PML: variants seen among roughly 807,000 people sequenced by gnomAD.
PML encodes PML nuclear body scaffold.
A neutral mutation model predicts 65.2 loss-of-function variants in PML; 28 were observed. The observed-to-expected ratio is 0.43, with a 90% CI of 0.32 to 0.59. The LOEUF (loss-of-function observed/expected upper bound fraction) is 0.59. Among genes scored for constraint, PML ranks in the 20% least tolerant of loss-of-function variants. The pLI is 0.08. For missense variants in PML, 1,021 were observed against 1,203.4 expected (o/e 0.85, Z 2.24); for synonymous variants, 500 against 508.8 (o/e 0.98, Z 0.23).
chr15:74,000,092 A>C (rs531613768), intron 2 of PML, among the ~76,000 whole-genome samples: 1 of 152,128 alleles, frequency 6.6e-6, no homozygotes, highest in East Asian at 1.9e-4. Flanking sequence ...CGGCCTCCCA[A>C]AGTTCTGGGA....
At chr15:74,036,266 C>A in intron 7 of PML, 1 of 1,484,930 alleles carries the variant, frequency 6.7e-7, no homozygotes, top group Non-Finnish European at 8.9e-7. Flanking sequence ...GCACAGCCTT[C>A]CATGCCCCGA....
At position 74,024,885 on chromosome 15, in the gene PML, A is replaced by G; in HGVS notation, c.1212A>G (p.Pro404=). 6.2e-7 allele frequency: 1 copy of G among 1,613,938 alleles called. No homozygotes were observed. Among genetic ancestry groups the G allele is most frequent in the South Asian group, 1.1e-5 (1 of 91,076 alleles). The part of the protein sequence containing the change: ...KDAAVSKKAS[P]EAASTPRDPI... The stretch of plus-strand genomic sequence containing the variant: ...CAGCTGTATCCAAGAAAGCCAGCCC[A>G]GAGGCTGCCAGCACTCCCAGGGACC... Residue 404 remains proline, a synonymous_variant, in exon 4 of 9, where the codon CCA becomes CCG. Coordinates refer to ENST00000268058, the MANE Select transcript of PML (RefSeq NM_033238.3).
Position 74,037,802 on chromosome 15 carries a change from T to C in PML, c.1710+3272T>C, listed in dbSNP as rs955295611. 2.6e-6 allele frequency: 2 copies of C among 782,344 alleles called. No homozygotes were observed. The highest frequency in any genetic ancestry group is 3.8e-5 in the African/African-American group (2 of 53,138). The allele number at this position is 782,344 out of a possible 1,614,324, so 48.5% of individuals were successfully genotyped here. On this transcript the variant is annotated intron_variant, in intron 7 of 8. Coordinates refer to ENST00000268058, the MANE Select transcript of PML (RefSeq NM_033238.3). The surrounding 1 kb of genome is among the most constrained non-coding windows in gnomAD (Gnocchi z 4.2). ...TCCTGCAGGTTTGCTGCTGGGCCCT[T>C]TCCTCTTTTCAGTCTGTGTATTCTC...
intron 7 of PML, among the ~76,000 whole-genome samples, chr15:74,041,168 C>T (rs979646904): frequency 6.6e-6 from 1 of 152,234 alleles, no homozygotes; most frequent in Non-Finnish European, 1.5e-5. Flanking sequence ...TGTGCCATGT[C>T]AGTGGGTGGC....
At chr15:74,014,118 C>T (rs542616816) in intron 2 of PML, among the ~76,000 whole-genome samples, 1 of 152,224 alleles carries the variant, frequency 6.6e-6, no homozygotes, top group South Asian at 2.1e-4. Flanking sequence ...TTAGAAATAC[C>T]ATGCTGGTGG....
At chr15:74,039,449 G>T (rs79839619) in intron 7 of PML, among the ~76,000 whole-genome samples, 5,137 of 152,338 alleles carry the variant, frequency 0.034, 147 homozygotes, top group South Asian at 0.12. Flanking sequence ...TGCTCAGAAA[G>T]TTCTTCAGGA....
At chr15:74,041,812 A>G (rs1413590233) in intron 7 of PML, among the ~76,000 whole-genome samples, 1 of 152,256 alleles carries the variant, frequency 6.6e-6, no homozygotes. Flanking sequence ...GCCAGAGGCC[A>G]GAATTAACTG....
intron 2 of PML, among the ~76,000 whole-genome samples, chr15:74,021,446 G>T (rs1041373933): frequency 6.6e-6 from 1 of 151,976 alleles, no homozygotes; most frequent in Non-Finnish European, 1.5e-5. Flanking sequence ...ATTAGCCGGG[G>T]TGGTGGCGCA....
Position 74,023,309 on chromosome 15 carries a change from GA to G in PML, c.1085del (p.Glu362GlyfsTer64). 1.9e-6 allele frequency: 3 copies of G among 1,608,938 alleles called. No individual in the cohort carries two copies. Among genetic ancestry groups the G allele is most frequent in the Non-Finnish European group, 2.5e-6 (3 of 1,179,746 alleles). ...LRQALCRLRQEEPQSLQAAVR... is the reference protein window; with the variant it reads ...LRQALCRLRQXEPQSLQAAVR... Reference sequence around the variant, plus strand: ...CCAGGCGCTCTGCCGCCTGCGCCAGGAGGAGCCCCAGAGCCTGCAAGCTGCC... The same window carrying G: ...CCAGGCGCTCTGCCGCCTGCGCCAGGGGAGCCCCAGAGCCTGCAAGCTGCC... On this transcript the variant is annotated frameshift_variant, in exon 3 of 9. Transcript: ENST00000268058. LOFTEE classifies it high-confidence loss of function.
At chr15:74,034,878 C>A in intron 7 of PML, 1 of 1,437,642 alleles carries the variant, frequency 7.0e-7, no homozygotes, top group South Asian at 1.5e-5. Flanking sequence ...GAATCCATTC[C>A]TTGGTTTATT....
At position 74,037,669 on chromosome 15, in the gene PML, T is replaced by C. The variant is rs993621601; in HGVS notation, c.1710+3139T>C. 1 of 985,328 alleles carries C rather than the reference T, an allele frequency of 1.0e-6. No individual in the cohort carries two copies. Among genetic ancestry groups the C allele is most frequent in the Non-Finnish European group, 1.2e-6 (1 of 829,948 alleles). The allele number at this position is 985,328 out of a possible 1,614,324, so 61.0% of individuals were successfully genotyped here. On this transcript the variant is annotated intron_variant, in intron 7 of 8. Coordinates refer to ENST00000268058, the MANE Select transcript of PML (RefSeq NM_033238.3). The surrounding 1 kb of genome is among the most constrained non-coding windows in gnomAD (Gnocchi z 4.2). ...GTGTCGCGTTTAGTCGTTATTATTCTTGACCGGCGCTGGGCCCGGTCTTTC... is the reference window on the plus strand; with the variant it reads ...GTGTCGCGTTTAGTCGTTATTATTCCTGACCGGCGCTGGGCCCGGTCTTTC...
chr15:74,028,460 G>T, intron 4 of PML: 1 of 149,800 alleles, frequency 6.7e-6, no homozygotes, highest in East Asian at 2.0e-4. Flanking sequence ...AAAAAAAAAT[G>T]TTTAATTTTG....
rs111398700 is a variant in PML, at chr15:74,044,533, A to G, written c.2174A>G (p.Lys725Arg). The change falls in exon 9 of 9, where the codon AAA becomes AGA. Residue 725 changes from lysine (K) to arginine (R), a missense_variant. Physicochemically the swap from Lys to Arg is conservative, Grantham distance 26. Transcript: ENST00000268058. ...CGTGTGCCCGGGGCCAGCAGCTTCA[A>G]ACTCAAGAACCTGGCCCAGACCTAC... The part of the protein sequence containing the change: ...RERVPGASSF[K>R]LKNLAQTYLA... 4,065 of 1,613,852 alleles carry G rather than the reference A, an allele frequency of 2.5e-3. 4 individuals are homozygous for G. The highest frequency in any genetic ancestry group is 3.3e-3 in the Non-Finnish European group (3,850 of 1,180,004).
chr15:74,026,607 G>A (rs1355622588), intron 4 of PML: 1 of 152,148 alleles, frequency 6.6e-6, no homozygotes, highest in Non-Finnish European at 1.5e-5. Flanking sequence ...GATCAATAGT[G>A]TCTTACTCCC....
chr15:74,015,202 T>C (rs566005804), intron 2 of PML, among the ~76,000 whole-genome samples: 3 of 152,320 alleles, frequency 2.0e-5, no homozygotes, highest in African/African-American at 7.2e-5. Context: ...GAATAATGCA[T>C]TCACTCTCTT....
intron 5 of PML, 116 bp from the exon 6 acceptor site, chr15:74,033,040 G>C: frequency 9.1e-7 from 1 of 1,095,816 alleles, no homozygotes; most frequent in East Asian, 2.4e-5. Flanking sequence ...GTTGAGAGCA[G>C]AGGAGAGGGG....
chr15:74,033,988 C>T (rs919130704), intron 6 of PML: 2 of 325,484 alleles, frequency 6.1e-6, no homozygotes, highest in African/African-American at 4.2e-5. Context: ...CAGCTTTGTT[C>T]CTCATTCTGA....
rs546342488 is a variant in PML, at chr15:74,035,487, C to G, written c.1710+957C>G. 6.2e-7 allele frequency: 1 copy of G among 1,612,478 alleles called. No individual in the cohort carries two copies. Among genetic ancestry groups the G allele is most frequent in the East Asian group, 2.2e-5 (1 of 44,842 alleles). ...CCTTCGCCATGCCCTCCGCTTGCAC[C>G]CTCAATTGCATCGGGCCCCTATTCG... On this transcript the variant is annotated intron_variant, in intron 7 of 8. Transcript: ENST00000268058. The surrounding 1 kb of genome is among the most constrained non-coding windows in gnomAD (Gnocchi z 4.1).
At chr15:73,996,087 C>G (rs2069489074) in intron 1 of PML, among the ~76,000 whole-genome samples, 2 of 152,166 alleles carry the variant, frequency 1.3e-5, no homozygotes, top group Non-Finnish European at 2.9e-5. Context: ...TAAAATATAC[C>G]TAATGGATAA....
Sources: allele counts gnomAD v4.1 joint callset (sites outside exome capture counted in the v4.1 genomes callset), GRCh38; gene constraint gnomAD v4.1.1; non-coding constraint Gnocchi (gnomAD v3.1); transcripts MANE v1.5; gene names NCBI Gene and HGNC (gene_info 2026-07-23, HGNC 2026-07-21).